Variants in TYRO3 observed in about 807,000 individuals in gnomAD.
TYRO3 encodes the protein TYRO3 protein tyrosine kinase.
TYRO3 carries 38 observed loss-of-function variants against 95.2 expected under a neutral mutation model. The ratio of observed to expected loss-of-function variants is 0.40; its 90% CI spans 0.31 to 0.52. TYRO3 has a LOEUF of 0.52. Ranked by LOEUF, TYRO3 falls within the 20% of genes least tolerant of loss-of-function variation. TYRO3 has a pLI of 0.56. For missense variants in TYRO3, 812 were observed against 1,116.4 expected (o/e 0.73, Z 3.89); for synonymous variants, 367 against 432.9 (o/e 0.85, Z 1.89).
Position 41,559,328 on chromosome 15 carries a change from G to A in TYRO3, c.71G>A (p.Gly24Glu). Residue 24 changes from glycine to glutamate, a missense_variant, in exon 1 of 19, where the codon GGG (glycine) becomes GAG (glutamate). Gly to Glu is a moderately conservative substitution (Grantham distance 98). Transcript: ENST00000263798. ...PLPLPPPPRL[G>E]LLLAALASLL... ...CCGCTGCCGCCGCCACCGCGGCTCG[G>A]GCTGCTGCTGGCGGCTCTGGCTTCT... is the stretch of plus-strand genomic sequence containing the variant. 1 of 384,964 alleles carries A rather than the reference G, an allele frequency of 2.6e-6. No individual in the cohort carries two copies. The allele number at this position is 384,964 out of a possible 1,614,324, so 23.8% of individuals were successfully genotyped here.
intron 5 of TYRO3, chr15:41,564,717 C>G (rs561490671): frequency 2.8e-4 from 111 of 403,480 alleles, no homozygotes; most frequent in African/African-American, 2.2e-3. Flanking sequence ...CTGCCTGTCT[C>G]TCCCTTGTAT....
Position 41,576,654 on chromosome 15 carries a change from T to TCC in TYRO3, c.2283-1232_2283-1231insCC, listed in dbSNP as rs1221527231. 9.9e-4 allele frequency among the ~76,000 whole-genome samples: 125 copies of TCC among 126,824 alleles called. 1 individual carries two copies. The highest frequency in any genetic ancestry group is 1.6e-3 in the Non-Finnish European group (95 of 59,364). The allele number at this position is 126,824 out of a possible 152,430, so 83.2% of individuals were successfully genotyped here. On this transcript the variant is annotated intron_variant, in intron 18 of 18. Coordinates refer to ENST00000263798, the MANE Select transcript of TYRO3 (RefSeq NM_006293.4). ...TGATTCAGTAGGTTTCCTTTTTTTT[T>TCC]TTTTTTTTTTTTTTTAAAAAAAAAA...
Position 41,577,713 on chromosome 15 carries a change from C to T in TYRO3, c.2283-173C>T, listed in dbSNP as rs1445867428. The T allele has an allele frequency of 1.8e-5, 11 of 624,586 alleles. No homozygotes were observed. The Admixed American group carries it at 3.0e-4, about 17-fold the overall frequency. The allele number at this position is 624,586 out of a possible 1,614,324, so 38.7% of individuals were successfully genotyped here. A position where few individuals can be genotyped will look rare whatever the true frequency, so the allele number is the denominator to read the frequency against. Reference sequence around the variant, plus strand: ...TATTGCCCAGGCTGGTCTCGAACTCCTGGGCTCAAATAATACCCCCCTTCG... The same window carrying T: ...TATTGCCCAGGCTGGTCTCGAACTCTTGGGCTCAAATAATACCCCCCTTCG... On this transcript the variant is annotated intron_variant, in intron 18 of 18. Transcript: ENST00000263798.
At chr15:41,570,361 G>A in intron 11 of TYRO3, 21 bp downstream of exon 11, 1 of 1,612,176 alleles carries the variant, frequency 6.2e-7, no homozygotes, top group Non-Finnish European at 8.5e-7. Context: ...GGTGATCGTG[G>A]GAAGGACAAA....
chr15:41,577,784 C>A, intron 18 of TYRO3, 102 bp from the exon 19 acceptor site: 12 of 1,267,422 alleles, frequency 9.5e-6, no homozygotes, highest in African/African-American at 3.0e-5. Context: ...CTGTGCCCCA[C>A]CAGGGAATAA....
chr15:41,574,572 T>C (rs1462317498), intron 18 of TYRO3: 3 of 445,876 alleles, frequency 6.7e-6, no homozygotes, highest in Admixed American at 2.4e-5. Flanking sequence ...AGTGAATAAG[T>C]TGGAATTTGA....
At chr15:41,573,526 T>C (rs1316159653) in intron 17 of TYRO3, 59 bp downstream of exon 17, 1 of 1,575,652 alleles carries the variant, frequency 6.3e-7, no homozygotes, top group Non-Finnish European at 8.7e-7. Context: ...ACCTTTAGGA[T>C]CCTTAAGGGC....
chr15:41,577,831 C>A, intron 18 of TYRO3, 55 bp from the exon 19 acceptor site: 2 of 1,453,076 alleles, frequency 1.4e-6, no homozygotes, highest in Non-Finnish European at 1.8e-6. Flanking sequence ...GATGAAGGGG[C>A]CCCTGCTTTT....
intron 11 of TYRO3, 92 bp from the exon 12 acceptor site, chr15:41,570,508 ATCTC>A (rs2055781766): frequency 3.0e-6 from 4 of 1,324,526 alleles, no homozygotes; most frequent in Non-Finnish European, 2.1e-6. Flanking sequence ...ACCTAAGCTC[ATCTC>A]TATGCTCTGA....
chr15:41,570,185 G>T (rs772870346), intron 10 of TYRO3, 29 bp downstream of exon 10: 1 of 994,434 alleles, frequency 1.0e-6, no homozygotes, highest in Non-Finnish European at 1.5e-6. Context: ...GGAGGGAGAG[G>T]CAGGTAATGA....
Position 41,578,348 on chromosome 15 carries a change from C to A in TYRO3, c.*72C>A. 1 of 1,578,084 alleles carries A rather than the reference C, an allele frequency of 6.3e-7. No individual in the cohort carries two copies. The highest frequency in any genetic ancestry group is 8.6e-7 in the Non-Finnish European group (1 of 1,158,928). Reference sequence around the variant, plus strand: ...ACTGAGCTGGCTGACTAAGCCCCGTCTGACCCCAGCCCAGACAGCAAGGTG... The same window carrying A: ...ACTGAGCTGGCTGACTAAGCCCCGTATGACCCCAGCCCAGACAGCAAGGTG... On this transcript the variant is annotated 3_prime_UTR_variant, in exon 19 of 19. Coordinates refer to ENST00000263798, the MANE Select transcript of TYRO3 (RefSeq NM_006293.4).
chr15:41,566,321 A>T (rs1439162096), intron 6 of TYRO3, among the ~76,000 whole-genome samples: 7 of 740 alleles, frequency 9.5e-3, no homozygotes, highest in African/African-American at 0.021. Flanking sequence ...TGTCTCTATT[A>T]AAAAAAAAAA....
chr15:41,566,661 ACATG>A (rs2055728811), intron 6 of TYRO3, among the ~76,000 whole-genome samples: 1 of 152,238 alleles, frequency 6.6e-6, no homozygotes, highest in Non-Finnish European at 1.5e-5. Flanking sequence ...ACGCCTGTGC[ACATG>A]AGGCCCCTCA....
intron 18 of TYRO3, among the ~76,000 whole-genome samples, chr15:41,577,115 G>A (rs970300397): frequency 6.6e-6 from 1 of 152,016 alleles, no homozygotes; most frequent in East Asian, 1.9e-4. Context: ...TTCCACATTT[G>A]TAAATGTGGA....
At position 41,559,235 on chromosome 15, in the gene TYRO3, G is replaced by C. The variant is rs998406201; in HGVS notation, c.-23G>C. 3.0e-6 allele frequency: 1 copy of C among 335,012 alleles called. No individual in the cohort carries two copies. The highest frequency in any genetic ancestry group is 5.1e-6 in the Non-Finnish European group (1 of 197,938). 20.8% of individuals were successfully genotyped at this position (335,012 alleles called of 1,614,324 possible). ...CCCTCCTCGCTCGCGGGCCGGGCCC[G>C]GCATGGTGCGGCGTCGCCGCCGATG... is the stretch of plus-strand genomic sequence containing the variant. On this transcript the variant is annotated 5_prime_UTR_variant, in exon 1 of 19. Coordinates refer to ENST00000263798, the MANE Select transcript of TYRO3 (RefSeq NM_006293.4).
chr15:41,568,157 C>T (rs2055747724), intron 7 of TYRO3, 60 bp from the exon 8 acceptor site: 3 of 1,601,222 alleles, frequency 1.9e-6, no homozygotes, highest in Non-Finnish European at 2.6e-6. Flanking sequence ...CAAAGGTCTG[C>T]ATGGAATTAT....
intron 4 of TYRO3, among the ~76,000 whole-genome samples, chr15:41,563,389 A>C (rs567684077): frequency 1.3e-5 from 2 of 152,258 alleles, no homozygotes; most frequent in Admixed American, 1.3e-4. Flanking sequence ...TTGGGCAAAA[A>C]AGATGGGAGT....
At chr15:41,568,767 C>G (rs534939819) in intron 8 of TYRO3, 111 bp from the exon 9 acceptor site, 6 of 1,305,050 alleles carry the variant, frequency 4.6e-6, no homozygotes, top group Non-Finnish European at 6.3e-6. Flanking sequence ...CCTGAACCCA[C>G]AGTGCCCCTA....
chr15:41,561,485 A>C, intron 2 of TYRO3, 54 bp from the exon 3 acceptor site: 3 of 1,367,948 alleles, frequency 2.2e-6, no homozygotes, highest in South Asian at 1.3e-5. Context: ...AAGTTTGCCC[A>C]GCAGAGCTGC....
Sources: allele counts gnomAD v4.1 joint callset (sites outside exome capture counted in the v4.1 genomes callset), GRCh38; gene constraint gnomAD v4.1.1; transcripts MANE v1.5; gene names NCBI Gene and HGNC (gene_info 2026-07-23, HGNC 2026-07-21).